Variants in RSRC2 observed in about 807,000 individuals in gnomAD.
RSRC2 encodes arginine and serine rich coiled-coil 2.
A neutral mutation model predicts 61.3 loss-of-function variants in RSRC2; 5 were observed. The observed-to-expected ratio is 0.08, with a 90% CI of 0.04 to 0.17. RSRC2 has a LOEUF of 0.17. Ranked by LOEUF, RSRC2 falls within the 10% of genes least tolerant of loss-of-function variation. The probability of loss-of-function intolerance (pLI) is 1.00; values close to 1 mark genes in which losing one functional copy is unlikely to be tolerated. For missense variants in RSRC2, 381 were observed against 518.8 expected, an observed-to-expected ratio of 0.73 and a Z score of 2.58; for synonymous variants, 202 against 166.5, an observed-to-expected ratio of 1.21 and a Z score of -1.64.
Position 122,505,461 on chromosome 12 carries a change from G to A in RSRC2, c.*66C>T. ...TGCAAGCTAGAGTGCTAGCTGTTTG[G>A]TGAACAAGGACGTGACATCAGAACA... On this transcript the variant is annotated 3_prime_UTR_variant, in exon 10 of 10. Coordinates refer to ENST00000331738, the MANE Select transcript of RSRC2 (RefSeq NM_023012.6). 7 of 1,461,370 alleles carry A rather than the reference G, an allele frequency of 4.8e-6. No individual in the cohort carries two copies. The highest frequency in any genetic ancestry group is 6.6e-6 in the Non-Finnish European group (7 of 1,062,866). The allele number at this position is 1,461,370 out of a possible 1,614,324, so 90.5% of individuals were successfully genotyped here. A position where few individuals can be genotyped will look rare whatever the true frequency, so the allele number is the denominator to read the frequency against.
intron 5 of RSRC2, 45 bp from the exon 6 acceptor site, chr12:122,515,272 A>G: frequency 6.3e-7 from 1 of 1,580,078 alleles, no homozygotes; most frequent in Non-Finnish European, 8.6e-7. Context: ...GCCAAGTCAT[A>G]ACTATTTTGT....
At chr12:122,516,004 A>T (rs2137495240) in intron 5 of RSRC2, among the ~76,000 whole-genome samples, 1 of 152,216 alleles carries the variant, frequency 6.6e-6, no homozygotes, top group Non-Finnish European at 1.5e-5. Context: ...AAACAAAAAA[A>T]CTAGATGTCA....
intron 1 of RSRC2, chr12:122,522,513 C>G: frequency 2.4e-6 from 1 of 409,054 alleles, no homozygotes; most frequent in Non-Finnish European, 4.3e-6. Flanking sequence ...CATATTTAGA[C>G]TGATGTATCT....
intron 6 of RSRC2, among the ~76,000 whole-genome samples, chr12:122,512,728 A>G (rs1326174878): frequency 7.6e-6 from 1 of 130,882 alleles, no homozygotes; most frequent in East Asian, 2.0e-4. Flanking sequence ...CTTCATCTCA[A>G]AAAAAAAAAA....
intron 5 of RSRC2, among the ~76,000 whole-genome samples, chr12:122,516,288 T>C (rs554766053): frequency 3.9e-5 from 6 of 152,264 alleles, no homozygotes; most frequent in Admixed American, 3.9e-4. Context: ...TTGAAGAATA[T>C]TTATAATTAG....
At chr12:122,522,044 T>G (rs904524910) in intron 2 of RSRC2, 99 bp downstream of exon 2, 1 of 1,265,306 alleles carries the variant, frequency 7.9e-7, no homozygotes, top group Non-Finnish European at 1.1e-6. Context: ...TGAGCCACCA[T>G]GCCCAGCCAA....
At chr12:122,518,520 G>A (rs1050867089) in intron 4 of RSRC2, among the ~76,000 whole-genome samples, 3 of 151,512 alleles carry the variant, frequency 2.0e-5, no homozygotes, top group African/African-American at 4.9e-5. Flanking sequence ...TTGAACCCAG[G>A]AGGCAGAGGT....
chr12:122,521,278 T>C, intron 3 of RSRC2, 107 bp downstream of exon 3: 1 of 754,162 alleles, frequency 1.3e-6, no homozygotes, highest in Non-Finnish European at 2.2e-6. Flanking sequence ...CCTTTTAAAT[T>C]TCAAGTTTTG....
At position 122,522,242 on chromosome 12, in the gene RSRC2, T is replaced by C. The variant is rs780659741; in HGVS notation, c.64A>G (p.Lys22Glu). The change falls in exon 2 of 10, where the codon AAG becomes GAG. Residue 22 changes from lysine (K) to glutamate (E), a missense_variant. Around this residue, in one of 4 missense-constraint regions of RSRC2, gnomAD observed 266 missense variants for 270.5 expected, o/e 0.98. Transcript: ENST00000331738. Reference protein sequence around the residue: ...APEKTSPDRDKKKEQSEVSVS... With the variant: ...APEKTSPDRDEKKEQSEVSVS... Reference sequence around the variant, plus strand: ...GATACTTCTGACTGCTCTTTTTTCTTATCTCTATCTGGTGATGTCTTTTCT... The same window carrying C: ...GATACTTCTGACTGCTCTTTTTTCTCATCTCTATCTGGTGATGTCTTTTCT... 2 of 1,614,052 alleles carry C rather than the reference T, an allele frequency of 1.2e-6. No individual in the cohort carries two copies. Among genetic ancestry groups the C allele is most frequent in the Admixed American group, 3.3e-5 (2 of 60,010 alleles).
intron 6 of RSRC2, among the ~76,000 whole-genome samples, chr12:122,512,145 TGAG>T (rs780228485): frequency 1.3e-5 from 2 of 152,240 alleles, no homozygotes; most frequent in African/African-American, 4.8e-5. Flanking sequence ...CTCTGTTGAA[TGAG>T]TAGTGTGCAT....
chr12:122,517,794 A>C (rs1191173248), intron 4 of RSRC2, among the ~76,000 whole-genome samples: 2 of 152,134 alleles, frequency 1.3e-5, no homozygotes, highest in African/African-American at 4.8e-5. Flanking sequence ...AATTCTCCAA[A>C]AAAAACCCCA....
chr12:122,522,861 G>C (rs988913857), intron 1 of RSRC2: 10 of 152,202 alleles, frequency 6.6e-5, no homozygotes, highest in African/African-American at 1.9e-4. Flanking sequence ...CCTTGGCACA[G>C]TGCTGCTGCA....
chr12:122,521,371 A>G lies in RSRC2; in HGVS notation c.207+14T>C. The G allele has an allele frequency of 6.2e-7, 1 of 1,600,718 alleles. No individual in the cohort carries two copies. The highest frequency in any genetic ancestry group is 1.3e-5 in the African/African-American group (1 of 74,764). ...GTATTTTAAAGTACCTATTCACTAC[A>G]AAGTGTTAATTACCTCTTTGCTTCT... On this transcript the variant is annotated intron_variant, in intron 3 of 9. Coordinates refer to ENST00000331738, the MANE Select transcript of RSRC2 (RefSeq NM_023012.6).
rs1022308687 is a variant in RSRC2 at position 122,522,289 on chromosome 12, G to C, written c.17C>G (p.Thr6Arg). Reference protein sequence around the residue: MAASDTERDGLAPEKT... With the variant: MAASDRERDGLAPEKT... ...TTCTGGGGCTAGTCCATCTCGCTCT[G>C]TATCACTAGCCTAAAAGTTTAAAAA... The change falls in exon 2 of 10, where the codon ACA becomes AGA. Residue 6 changes from threonine to arginine, a missense_variant. By Grantham distance (71) the Thr-to-Arg change is moderately conservative (BLOSUM62 -1). Transcript: ENST00000331738. 3 of 1,591,300 alleles carry C rather than the reference G, an allele frequency of 1.9e-6. No homozygotes were observed. The highest frequency in any genetic ancestry group is 2.6e-6 in the Non-Finnish European group (3 of 1,172,730).
intron 6 of RSRC2, among the ~76,000 whole-genome samples, chr12:122,513,221 AAATAAATAAATAAATAAAT>A (rs1958654657): frequency 2.0e-5 from 2 of 99,956 alleles, no homozygotes; most frequent in Admixed American, 2.0e-4. Context: ...ATAAATAAAT[AAATAAATAAATAAATAAAT>A]AAATAAAATA....
rs118190543 is a variant in RSRC2 at position 122,506,039 on chromosome 12, C to T, written c.1126-333G>A. Among the ~76,000 whole-genome samples, 520 of 152,174 alleles carry T rather than the reference C, an allele frequency of 3.4e-3. 1 individual carries two copies. Among genetic ancestry groups the T allele is most frequent in the Middle Eastern group, 6.8e-3 (2 of 294 alleles). On this transcript the variant is annotated intron_variant, in intron 9 of 9. Coordinates refer to ENST00000331738, the MANE Select transcript of RSRC2 (RefSeq NM_023012.6). ...GGGATCCCCCCTGCCGCCTGCCCCC[C>T]GGCCTCCCGAAGTGTTGGGATTACA... is the stretch of plus-strand genomic sequence containing the variant.
chr12:122,521,995 T>C, intron 2 of RSRC2, 148 bp downstream of exon 2: 2 of 754,490 alleles, frequency 2.7e-6, no homozygotes, highest in South Asian at 4.0e-5. Context: ...TCAGGTGATC[T>C]GCCTGCCTTG....
rs543009224 is a variant in RSRC2, at chr12:122,526,921, A to G, written c.-68T>C. 14 of 1,592,814 alleles carry G rather than the reference A, an allele frequency of 8.8e-6. No homozygotes were observed. The highest frequency in any genetic ancestry group is 1.2e-5 in the Non-Finnish European group (14 of 1,160,936). ...CTTTCAACAGTACCGGCCGCTCCGA[A>G]GCTTCGCCTCAGACTAAATCGCTCG... On this transcript the variant is annotated 5_prime_UTR_variant, in exon 1 of 10. Transcript: ENST00000331738.
intron 1 of RSRC2, among the ~76,000 whole-genome samples, chr12:122,526,598 C>T (rs559913497): frequency 6.6e-6 from 1 of 151,866 alleles, no homozygotes; most frequent in Non-Finnish European, 1.5e-5. Flanking sequence ...GCGAAAGGAA[C>T]GTAGGGTTGG....
Sources: gnomAD v4.1 joint callset for allele counts (sites outside exome capture counted in the v4.1 genomes callset) on GRCh38, gnomAD v4.1.1 for gene constraint, gnomAD v4.1.1 regional missense constraint, MANE v1.5 for transcripts, NCBI Gene and HGNC (gene_info 2026-07-23, HGNC 2026-07-21) for gene names.